The following TANK variants were observed in gnomAD, a reference collection of about 807,000 sequenced individuals.
TANK encodes TRAF family member-associated NF-kappa-B activator.
A neutral mutation model predicts 43.6 loss-of-function variants in TANK; 15 were observed. The ratio of observed to expected loss-of-function variants is 0.34; its 90% CI spans 0.23 to 0.53. TANK has a LOEUF of 0.53. Ranked by LOEUF, TANK falls within the 20% of genes least tolerant of loss-of-function variation. The pLI, the probability that TANK is intolerant of heterozygous loss-of-function variation, is 0.94. For synonymous variants in TANK, 162 were observed against 178.2 expected (o/e 0.91, Z 0.73); for missense variants, 417 against 498.6 (o/e 0.84, Z 1.56).
chr2:161,161,151 C>T (rs545577609), intron 1 of TANK: 1 of 1,409,920 alleles, frequency 7.1e-7, no homozygotes, highest in African/African-American at 1.4e-5. Context: ...GAGTTACAGG[C>T]AAAAAAGCTG....
At chr2:161,146,800 G>T (rs941254516) in intron 1 of TANK, among the ~76,000 whole-genome samples, 1 of 152,148 alleles carries the variant, frequency 6.6e-6, no homozygotes. Flanking sequence ...TCACCCAGTT[G>T]GGTGGCATGG....
intron 6 of TANK, among the ~76,000 whole-genome samples, chr2:161,229,361 A>G (rs929260266): frequency 6.6e-6 from 1 of 152,110 alleles, no homozygotes; most frequent in Non-Finnish European, 1.5e-5. Context: ...CCATCAAAAG[A>G]TTTTATTAGG....
rs531019100 is a variant in TANK at position 161,207,480 on chromosome 2, T to G, written c.327+2687T>G. 1.8e-5 allele frequency: 18 copies of G among 984,460 alleles called. No individual in the cohort carries two copies. In the African/African-American group the frequency reaches 3.0e-4, roughly 16 times the overall value. 61.0% of individuals were successfully genotyped at this position (984,460 alleles called of 1,614,324 possible). A position where few individuals can be genotyped will look rare whatever the true frequency, so the allele number is the denominator to read the frequency against. On this transcript the variant is annotated intron_variant, in intron 4 of 7. Transcript: ENST00000392749. Reference sequence around the variant, plus strand: ...TGCAGTTCAGCTTTCTCTTTTTTTATGTATCTCTAGCCAAAGTGCTAATGA... The same window carrying G: ...TGCAGTTCAGCTTTCTCTTTTTTTAGGTATCTCTAGCCAAAGTGCTAATGA...
rs1687884054 is a variant in TANK at position 161,230,985 on chromosome 2, G to A, written c.535G>A (p.Val179Met). Reference protein sequence around the residue: ...PDTATETQCSVPIQCTDKTDK... With the variant: ...PDTATETQCSMPIQCTDKTDK... The stretch of plus-strand genomic sequence containing the variant: ...TCTCCCTCCAGAAACACAGTGCTCT[G>A]TGCCTATACAGTGTACGGATAAAAC... The change falls in exon 7 of 8, where the codon GTG becomes ATG. Residue 179 changes from valine (V) to methionine (M), a missense_variant. Val to Met is a conservative substitution (Grantham distance 21). Transcript: ENST00000392749. 6.2e-7 allele frequency: 1 copy of A among 1,613,672 alleles called. No homozygotes were observed. The highest frequency in any genetic ancestry group is 1.7e-5 in the Admixed American group (1 of 59,972).
At chr2:161,184,982 T>C (rs1343692412) in intron 2 of TANK, among the ~76,000 whole-genome samples, 1 of 152,088 alleles carries the variant, frequency 6.6e-6, no homozygotes, top group Non-Finnish European at 1.5e-5. Context: ...GAAAGAATAT[T>C]TGAAGGACAG....
intron 2 of TANK, among the ~76,000 whole-genome samples, chr2:161,194,423 T>C (rs527250387): frequency 6.6e-6 from 1 of 152,264 alleles, no homozygotes; most frequent in Admixed American, 6.5e-5. Context: ...TATTAACTGC[T>C]TTTTCTTTGT....
At chr2:161,180,226 T>C (rs1685359721) in intron 2 of TANK, 1 of 577,596 alleles carries the variant, frequency 1.7e-6, no homozygotes, top group Non-Finnish European at 2.2e-6. Flanking sequence ...TTTATAACAA[T>C]TCAAAGTAGA....
intron 1 of TANK, among the ~76,000 whole-genome samples, chr2:161,178,467 A>G (rs1177052140): frequency 6.6e-6 from 1 of 151,382 alleles, no homozygotes; most frequent in Non-Finnish European, 1.5e-5. Flanking sequence ...GTAGAGACAA[A>G]AAAAAAAAAA....
At chr2:161,202,796 G>T in intron 2 of TANK, 2 of 437,622 alleles carry the variant, frequency 4.6e-6, no homozygotes, top group South Asian at 1.7e-5. Context: ...AAATTTGCTT[G>T]AATGTTTGCA....
At chr2:161,199,852 T>TG (rs1686325298) in intron 2 of TANK, among the ~76,000 whole-genome samples, 5 of 152,194 alleles carry the variant, frequency 3.3e-5, no homozygotes, top group Non-Finnish European at 5.9e-5. Flanking sequence ...GAGACCAGCC[T>TG]GGGCAGCATA....
At chr2:161,157,745 G>A (rs531966418), upstream of TANK, among the ~76,000 whole-genome samples, 1 of 151,606 alleles carries the variant, frequency 6.6e-6, no homozygotes, top group Non-Finnish European at 1.5e-5. Context: ...GTGCAGTGGC[G>A]TGATCTTGGC....
intron 1 of TANK, among the ~76,000 whole-genome samples, chr2:161,169,901 G>C (rs1035185767): frequency 6.6e-6 from 1 of 152,122 alleles, no homozygotes; most frequent in African/African-American, 2.4e-5. Flanking sequence ...CTTCTGCAGA[G>C]GGAAGATTAA....
Position 161,139,674 on chromosome 2 carries a change from T to A in TANK, c.-50+2611T>A. 3 of 985,150 alleles carry A rather than the reference T, an allele frequency of 3.0e-6. No homozygotes were observed. The South Asian group carries it at 1.4e-4, about 46-fold the overall frequency. 61.0% of individuals were successfully genotyped at this position (985,150 alleles called of 1,614,324 possible). On this transcript the variant is annotated intron_variant, in intron 1 of 7. Coordinates refer to the TANK transcript ENST00000259075. ...ACACGTTTCCTCTTTTTCTCTCCAA[T>A]CCACATGCTTAGACACCTCTTCTCT...
At chr2:161,222,170 T>C (rs746748577) in intron 4 of TANK, among the ~76,000 whole-genome samples, 58 of 152,148 alleles carry the variant, frequency 3.8e-4, no homozygotes, top group Non-Finnish European at 1.6e-4. Context: ...GTCAGGACTT[T>C]GGAATTTGGA....
intron 1 of TANK, among the ~76,000 whole-genome samples, chr2:161,147,270 C>G (rs1199336308): frequency 3.3e-5 from 5 of 152,276 alleles, no homozygotes; most frequent in Middle Eastern, 3.4e-3. Flanking sequence ...GCTATCAGTC[C>G]CAGTGTTGGC....
intron 6 of TANK, among the ~76,000 whole-genome samples, chr2:161,226,879 A>G (rs1687651825): frequency 6.6e-6 from 1 of 152,296 alleles, no homozygotes; most frequent in Non-Finnish European, 1.5e-5. Context: ...GTAATAAACA[A>G]CCATGAGGTC....
chr2:161,178,564 GT>G (rs1443543283), intron 1 of TANK, among the ~76,000 whole-genome samples: 1 of 151,866 alleles, frequency 6.6e-6, no homozygotes, highest in Non-Finnish European at 1.5e-5. Context: ...TGATTAAAAT[GT>G]TCCAGAATTA....
chr2:161,174,110 A>G (rs1329450474), intron 1 of TANK, among the ~76,000 whole-genome samples: 1 of 152,214 alleles, frequency 6.6e-6, no homozygotes, highest in Admixed American at 6.5e-5. Context: ...CTGAAGTTTT[A>G]CTTAATTTTT....
chr2:161,170,665 T>C (rs1684903735), intron 1 of TANK, among the ~76,000 whole-genome samples: 2 of 152,166 alleles, frequency 1.3e-5, no homozygotes, highest in South Asian at 2.1e-4. Context: ...TTTGGTAATG[T>C]ATTTTTTAAA....
Sources: allele counts gnomAD v4.1 joint callset (sites outside exome capture counted in the v4.1 genomes callset), GRCh38; gene constraint gnomAD v4.1.1; transcripts MANE v1.5; gene names NCBI Gene and HGNC (gene_info 2026-07-23, HGNC 2026-07-21).